Variants in HDAC9 observed in about 807,000 individuals in gnomAD.
HDAC9 encodes MEF-2 interacting transcription repressor (MITR) protein.
A neutral mutation model predicts 139.4 loss-of-function variants in HDAC9; 41 were observed. That is an observed-to-expected ratio of 0.29 (90% confidence interval 0.23 to 0.38). The LOEUF (loss-of-function observed/expected upper bound fraction) is 0.38, where lower values mean the gene tolerates loss of function less well. Ranked by LOEUF, HDAC9 falls within the 10% of genes least tolerant of loss-of-function variation. HDAC9 has a pLI of 1.00. For missense variants in HDAC9, 1,147 were observed against 1,297.0 expected (o/e 0.88, Z 1.78); for synonymous variants, 517 against 476.2 (o/e 1.09, Z -1.12).
intron 1 of HDAC9, among the ~76,000 whole-genome samples, chr7:18,371,023 G>A (rs146675460): frequency 1.8e-4 from 28 of 152,184 alleles, no homozygotes; most frequent in African/African-American, 6.7e-4. Flanking sequence ...CAGAACTCGC[G>A]CATCATGTCA....
chr7:18,652,808 A>T (rs1789736792), intron 11 of HDAC9, among the ~76,000 whole-genome samples: 1 of 152,198 alleles, frequency 6.6e-6, no homozygotes, highest in African/African-American at 2.4e-5. Context: ...TTAATGAATT[A>T]TTAATCTATG....
intron 12 of HDAC9, among the ~76,000 whole-genome samples, chr7:18,678,710 C>T (rs1218331997): frequency 1.2e-4 from 18 of 151,778 alleles, no homozygotes; most frequent in Admixed American, 1.1e-3. Context: ...TTTTTGTTTA[C>T]TTTAAAGTCC....
chr7:18,328,932 G>A (rs1800684795), intron 1 of HDAC9, among the ~76,000 whole-genome samples: 1 of 151,710 alleles, frequency 6.6e-6, no homozygotes, highest in African/African-American at 2.4e-5. Flanking sequence ...AAGTCATTAG[G>A]TCCTGGACTT....
intron 2 of HDAC9, among the ~76,000 whole-genome samples, chr7:18,231,320 T>C (rs1011687946): frequency 2.2e-4 from 33 of 152,172 alleles, no homozygotes; most frequent in African/African-American, 6.5e-4. Context: ...CATAGACTCA[T>C]TGGGTAATAG....
At chr7:18,717,944 T>G (rs1433740318) in intron 12 of HDAC9, among the ~76,000 whole-genome samples, 1 of 152,204 alleles carries the variant, frequency 6.6e-6, no homozygotes, top group African/African-American at 2.4e-5. Context: ...ACTATGATTT[T>G]AAAAAGTGTT....
At chr7:18,909,166 T>C (rs1182951999) in intron 22 of HDAC9, among the ~76,000 whole-genome samples, 3 of 152,100 alleles carry the variant, frequency 2.0e-5, no homozygotes, top group Non-Finnish European at 4.4e-5. Context: ...AATATTTTCA[T>C]ATGCCTGTTA....
At chr7:18,557,705 T>TAAA (rs1819292149) in intron 2 of HDAC9, among the ~76,000 whole-genome samples, 1 of 148,134 alleles carries the variant, frequency 6.8e-6, no homozygotes, top group African/African-American at 2.5e-5. Context: ...ATATTTTATA[T>TAAA]TGTAAAATAT....
chr7:18,404,811 T>C (rs1211365958), intron 1 of HDAC9, among the ~76,000 whole-genome samples: 1 of 152,168 alleles, frequency 6.6e-6, no homozygotes, highest in Non-Finnish European at 1.5e-5. Context: ...TTGAAATAAA[T>C]GTAAGCTATA....
chr7:18,536,262 C>T (rs1300361387), intron 2 of HDAC9, among the ~76,000 whole-genome samples: 1 of 152,156 alleles, frequency 6.6e-6, no homozygotes, highest in Non-Finnish European at 1.5e-5. Context: ...CTCCAGTTGT[C>T]ACTGTGGTAA....
Position 18,398,422 on chromosome 7 carries a change from A to C in HDAC9, c.-41-97840A>C, listed in dbSNP as rs558088313. Reference sequence around the variant, plus strand: ...TGTTCTTGGGAAACCCTTTTACTTCAAATTTCAGAAAGTAAAGCACTGCCT... The same window carrying C: ...TGTTCTTGGGAAACCCTTTTACTTCCAATTTCAGAAAGTAAAGCACTGCCT... On this transcript the variant is annotated intron_variant, in intron 1 of 3. Transcript: ENST00000413509. Among the ~76,000 whole-genome samples the C allele has an allele frequency of 4.6e-5, 7 of 152,294 alleles. No homozygotes were observed. In the East Asian group the frequency reaches 1.4e-3, roughly 29 times the overall value.
intron 22 of HDAC9, among the ~76,000 whole-genome samples, chr7:18,891,335 A>C (rs1049531322): frequency 6.6e-6 from 1 of 152,212 alleles, no homozygotes; most frequent in Non-Finnish European, 1.5e-5. Context: ...TGCCTAAAGA[A>C]AACAGGAGTG....
At chr7:18,351,588 G>A (rs1585311481) in intron 1 of HDAC9, among the ~76,000 whole-genome samples, 1 of 152,214 alleles carries the variant, frequency 6.6e-6, no homozygotes, top group East Asian at 1.9e-4. Context: ...TAGGAACCAG[G>A]ACGCTGAAGC....
chr7:18,399,772 C>A (rs1787370657), intron 1 of HDAC9, among the ~76,000 whole-genome samples: 1 of 152,184 alleles, frequency 6.6e-6, no homozygotes, highest in East Asian at 1.9e-4. Context: ...TCCTGTCTCT[C>A]CAAGATATTC....
intron 25 of HDAC9, among the ~76,000 whole-genome samples, chr7:18,983,489 C>T (rs919789004): frequency 2.6e-5 from 4 of 152,064 alleles, no homozygotes; most frequent in African/African-American, 9.7e-5. Flanking sequence ...ATTTCTGGAT[C>T]ATATGGAAAT....
intron 21 of HDAC9, among the ~76,000 whole-genome samples, chr7:18,843,287 T>C (rs1796704137): frequency 6.6e-6 from 1 of 152,154 alleles, no homozygotes; most frequent in South Asian, 2.1e-4. Context: ...CCTCTCAATG[T>C]ATGTGTAATA....
chr7:18,147,024 T>C (rs1392385939), intron 1 of HDAC9, among the ~76,000 whole-genome samples: 1 of 152,218 alleles, frequency 6.6e-6, no homozygotes, highest in Non-Finnish European at 1.5e-5. Context: ...CAAATAGGTT[T>C]ATTGAGCCTC....
At chr7:18,473,493 T>G (rs1053848334) in intron 1 of HDAC9, among the ~76,000 whole-genome samples, 1 of 152,280 alleles carries the variant, frequency 6.6e-6, no homozygotes, top group Non-Finnish European at 1.5e-5. Flanking sequence ...CAGGTGCACA[T>G]GTGCATGGAT....
Position 18,203,064 on chromosome 7 carries a change from A to G in HDAC9, c.25+40715A>G, listed in dbSNP as rs148010189. Among the ~76,000 whole-genome samples, 97 of 152,298 alleles carry G rather than the reference A, an allele frequency of 6.4e-4. 1 individual carries two copies. Among genetic ancestry groups the G allele is most frequent in the Non-Finnish European group, 1.2e-3 (84 of 68,024 alleles). ...CTGTTAAAACAGTCCCCACGTGCCT[A>G]ATTGGGTGAATAGATCAGGGTTCCT... On this transcript the variant is annotated intron_variant, in intron 2 of 12. Transcript: ENST00000417496.
chr7:18,670,720 T>C (rs556018541), intron 12 of HDAC9, among the ~76,000 whole-genome samples: 35 of 152,030 alleles, frequency 2.3e-4, no homozygotes, highest in Non-Finnish European at 8.8e-5. Flanking sequence ...GGTGCAACGA[T>C]TCTTTATATC....
Sources: gnomAD v4.1 joint callset for allele counts (sites outside exome capture counted in the v4.1 genomes callset) on GRCh38, gnomAD v4.1.1 for gene constraint, MANE v1.5 for transcripts, NCBI Gene and HGNC (gene_info 2026-07-23, HGNC 2026-07-21) for gene names.